The following GPHN variants were observed in gnomAD, a reference collection of about 807,000 sequenced individuals.
The protein encoded by GPHN is gephyrin.
A neutral mutation model predicts 95.5 loss-of-function variants in GPHN; 17 were observed. That is an observed-to-expected ratio of 0.18 (90% CI 0.12 to 0.27). The LOEUF (loss-of-function observed/expected upper bound fraction) is 0.27. Among genes scored for constraint, GPHN ranks in the 10% least tolerant of loss-of-function variants. The pLI is 1.00. For synonymous variants in GPHN, 320 were observed against 322.5 expected, an observed-to-expected ratio of 0.99 and a Z score of 0.08; for missense variants, 660 against 978.1, an observed-to-expected ratio of 0.67 and a Z score of 4.34.
Position 66,622,544 on chromosome 14 carries a change from A to G in GPHN, c.65-58563A>G, listed in dbSNP as rs183923849. 5.9e-5 allele frequency among the ~76,000 whole-genome samples: 9 copies of G among 152,242 alleles called. No homozygotes were observed. In the East Asian group the frequency reaches 1.7e-3, roughly 29 times the overall value. On this transcript the variant is annotated intron_variant, in intron 1 of 22. Coordinates refer to ENST00000478722, the MANE Select transcript of GPHN (RefSeq NM_020806.5). ...GCATTGTCAGGCTACAAGTTTTCCAAACTTTTATGCTCTGTTTCCCTTTTA... is the reference window on the plus strand; with the variant it reads ...GCATTGTCAGGCTACAAGTTTTCCAGACTTTTATGCTCTGTTTCCCTTTTA...
At chr14:67,381,504 A>G in the GPHN span, 2 of 970,770 alleles carry the variant, frequency 2.1e-6, no homozygotes, top group East Asian at 4.9e-5. Context: ...GTATTTGAAT[A>G]CTAATATATC....
the GPHN span, among the ~76,000 whole-genome samples, chr14:67,663,632 C>A: frequency 6.6e-6 from 1 of 152,070 alleles, no homozygotes; most frequent in African/African-American, 2.4e-5. Flanking sequence ...CAAGATTGTG[C>A]CACTGCACTC....
chr14:67,143,536 T>C (rs1470805463), intron 18 of GPHN, 87 bp downstream of exon 18: 13 of 862,204 alleles, frequency 1.5e-5, no homozygotes, highest in Non-Finnish European at 2.4e-5. Flanking sequence ...GCATCTGATA[T>C]TCATAACGAG....
the GPHN span, among the ~76,000 whole-genome samples, chr14:67,620,662 C>G: frequency 6.6e-6 from 1 of 152,086 alleles, no homozygotes; most frequent in African/African-American, 2.4e-5. Context: ...GTCTCTGGCC[C>G]GAGCCAGCCC....
intron 2 of GPHN, among the ~76,000 whole-genome samples, chr14:66,694,827 A>G (rs947260683): frequency 1.3e-5 from 2 of 152,228 alleles, no homozygotes; most frequent in African/African-American, 4.8e-5. Flanking sequence ...ATTACTTAAA[A>G]ATATACAAGA....
the GPHN span, chr14:67,320,959 C>T: frequency 1.1e-6 from 1 of 927,188 alleles, no homozygotes; most frequent in South Asian, 1.5e-5. Flanking sequence ...ATTTTATAAT[C>T]TGTGTTACAA....
chr14:66,546,534 C>G (rs1050937572), intron 1 of GPHN, among the ~76,000 whole-genome samples: 2 of 152,154 alleles, frequency 1.3e-5, no homozygotes, highest in Non-Finnish European at 2.9e-5. Flanking sequence ...CTCGGGAGGC[C>G]GAGGCTGGCC....
the GPHN span, among the ~76,000 whole-genome samples, chr14:67,229,254 A>G: frequency 6.6e-6 from 1 of 152,248 alleles, no homozygotes; most frequent in African/African-American, 2.4e-5. Flanking sequence ...AAGGGTAGTT[A>G]GGTTTTTTTA....
chr14:67,227,016 A>G, the GPHN span, among the ~76,000 whole-genome samples: 51 of 152,354 alleles, frequency 3.3e-4, no homozygotes, highest in East Asian at 5.2e-3. Context: ...ATATTTTACA[A>G]TGATTTCAAT....
chr14:67,115,839 G>C (rs990461930), intron 16 of GPHN, among the ~76,000 whole-genome samples: 1 of 152,082 alleles, frequency 6.6e-6, no homozygotes, highest in Non-Finnish European at 1.5e-5. Context: ...AAAGAGTGCC[G>C]TACAAGATGT....
chr14:66,663,331 G>GAAAAAAGA lies in GPHN; in HGVS notation c.65-17771_65-17764dup, dbSNP rs1381529101. Among the ~76,000 whole-genome samples, 11 of 152,220 alleles carry GAAAAAAGA rather than the reference G, an allele frequency of 7.2e-5. No homozygotes were observed. In the East Asian group the frequency reaches 2.1e-3, roughly 29 times the overall value. ...ATTGGAGGCCAATATTCAACATGCTGAAAAAAGAAAAATTCCAGCCCAGAA... is the reference window on the plus strand; with the variant it reads ...ATTGGAGGCCAATATTCAACATGCTGAAAAAAGAAAAAAAGAAAAATTCCAGCCCAGAA... On this transcript the variant is annotated intron_variant, in intron 1 of 22. Coordinates refer to ENST00000478722, the MANE Select transcript of GPHN (RefSeq NM_020806.5).
chr14:67,226,403 C>G, the GPHN span, among the ~76,000 whole-genome samples: 1 of 152,086 alleles, frequency 6.6e-6, no homozygotes, highest in African/African-American at 2.4e-5. Context: ...GCTCTGTCAC[C>G]AGGCTGGAGT....
chr14:66,581,642 T>A (rs1250629727), intron 1 of GPHN, among the ~76,000 whole-genome samples: 2 of 151,902 alleles, frequency 1.3e-5, no homozygotes, highest in African/African-American at 2.4e-5. Flanking sequence ...GTTCTGCCTA[T>A]AAGAGAATCA....
chr14:66,512,125 T>C (rs1211204816), intron 1 of GPHN, among the ~76,000 whole-genome samples: 2 of 151,908 alleles, frequency 1.3e-5, no homozygotes, highest in African/African-American at 4.8e-5. Context: ...AAGTATCTGC[T>C]ACTTGAAAAC....
chr14:67,288,423 G>A, the GPHN span, among the ~76,000 whole-genome samples: 7 of 152,210 alleles, frequency 4.6e-5, no homozygotes, highest in Non-Finnish European at 1.0e-4. Flanking sequence ...TGCAAGGCAT[G>A]GCTCACACCT....
At chr14:67,194,860 G>C in the GPHN span, among the ~76,000 whole-genome samples, 2 of 152,170 alleles carry the variant, frequency 1.3e-5, no homozygotes, top group East Asian at 1.9e-4. Context: ...GTTTCACAAC[G>C]TTGGCCAGGC....
At chr14:66,840,654 G>A (rs781146631) in intron 4 of GPHN, among the ~76,000 whole-genome samples, 12 of 148,550 alleles carry the variant, frequency 8.1e-5, no homozygotes, top group East Asian at 3.9e-4. Context: ...ATATTTCTAC[G>A]TGTCATGAAA....
At chr14:67,049,211 TTTGTTGTTGTTGTTG>T (rs139585227) in intron 10 of GPHN, among the ~76,000 whole-genome samples, 2 of 150,830 alleles carry the variant, frequency 1.3e-5, no homozygotes, top group Non-Finnish European at 3.0e-5. Context: ...GCTGATTAAG[TTTGTTGTTGTTGTTG>T]TTGTTGTTGT....
chr14:67,559,194 T>G, the GPHN span, among the ~76,000 whole-genome samples: 22 of 152,346 alleles, frequency 1.4e-4, no homozygotes, highest in South Asian at 1.7e-3. Flanking sequence ...CAATTTTGCC[T>G]TATTTTTTTG....
Sources: allele counts gnomAD v4.1 joint callset (sites outside exome capture counted in the v4.1 genomes callset), GRCh38; gene constraint gnomAD v4.1.1; transcripts MANE v1.5; gene names NCBI Gene and HGNC (gene_info 2026-07-23, HGNC 2026-07-21).